The following OTC variants were observed in gnomAD, a reference collection of about 807,000 sequenced individuals.
The protein encoded by OTC is ornithine transcarbamylase.
In OTC, 3 loss-of-function variants were observed where a neutral mutation model predicts 30.3. The ratio of observed to expected loss-of-function variants is 0.10; its 90% CI spans 0.05 to 0.26. The LOEUF is 0.26. Ranked by LOEUF, OTC falls within the 10% of genes least tolerant of loss-of-function variation. The pLI is 1.00. For missense variants in OTC, 194 were observed against 260.3 expected (o/e 0.75, Z 1.75); for synonymous variants, 111 against 99.7 (o/e 1.11, Z -0.67).
intron 4 of OTC, among the ~76,000 whole-genome samples, chrX:38,387,640 C>T (rs147377779): frequency 1.4e-4 from 16 of 111,202 alleles, no homozygotes; most frequent in African/African-American, 5.2e-4. Context: ...GAAGGACTCA[C>T]AGGGATCAGC....
At chrX:38,345,219 G>A in the OTC span, among the ~76,000 whole-genome samples, 6 of 111,915 alleles carry the variant, frequency 5.4e-5, no homozygotes, top group African/African-American at 1.9e-4. Flanking sequence ...TAACTTAACC[G>A]AATCCATCTT....
intron 9 of OTC, 25 bp from the exon 10 acceptor site, chrX:38,420,994 ATTTC>A (rs745517371): frequency 2.2e-5 from 25 of 1,138,353 alleles, no homozygotes; most frequent in Admixed American, 4.4e-5. Context: ...ATGTTTATCC[ATTTC>A]TTTCTTTCTT....
At chrX:38,372,452 A>T (rs2068327909) in intron 3 of OTC, among the ~76,000 whole-genome samples, 1 of 112,726 alleles carries the variant, frequency 8.9e-6, no homozygotes, top group Non-Finnish European at 1.9e-5. Flanking sequence ...TAATTTAATT[A>T]TATGGCATGT....
At chrX:38,408,163 G>A (rs2068524580) in intron 6 of OTC, among the ~76,000 whole-genome samples, 2 of 112,313 alleles carry the variant, frequency 1.8e-5, no homozygotes, top group Non-Finnish European at 3.8e-5. Context: ...CAATGTATTT[G>A]TTCTGTCAAT....
chrX:38,358,011 G>A (rs1221821510), intron 1 of OTC, among the ~76,000 whole-genome samples: 1 of 111,237 alleles, frequency 9.0e-6, no homozygotes, highest in Non-Finnish European at 1.9e-5. Context: ...TTTGTGTCTG[G>A]TGTACCAAGG....
At chrX:38,406,691 G>A (rs1353489519) in intron 6 of OTC, among the ~76,000 whole-genome samples, 1 of 111,934 alleles carries the variant, frequency 8.9e-6, no homozygotes, top group Non-Finnish European at 1.9e-5. Flanking sequence ...GGAGGCACCT[G>A]GGGGAATATC....
chrX:38,404,954 A>T (rs2068509106), intron 6 of OTC, among the ~76,000 whole-genome samples: 2 of 111,706 alleles, frequency 1.8e-5, no homozygotes, highest in East Asian at 2.8e-4. Context: ...AGTGTAAGTT[A>T]TGCCCTAAAG....
Position 38,379,133 on chromosome X carries a change from T to C in OTC, c.299-2209T>C, listed in dbSNP as rs147652147. On this transcript the variant is annotated intron_variant, in intron 3 of 9. Transcript: ENST00000039007. ...AGGACTGTTTGGGCATTTCATATTC[T>C]TTGATCCTACCTGGCACCTAGCACA... Among the ~76,000 whole-genome samples, 14 of 111,748 alleles carry C rather than the reference T, an allele frequency of 1.3e-4. No homozygotes were observed. In the East Asian group the frequency reaches 3.9e-3, roughly 31 times the overall value.
chrX:38,422,301 T>C (rs1470710969), downstream of OTC, among the ~76,000 whole-genome samples: 1 of 111,864 alleles, frequency 8.9e-6, no homozygotes, highest in East Asian at 2.8e-4. Context: ...GCTCATAATG[T>C]TACAGAAAAA....
At chrX:38,333,726 A>G in the OTC span, among the ~76,000 whole-genome samples, 2 of 112,442 alleles carry the variant, frequency 1.8e-5, no homozygotes, top group Non-Finnish European at 3.8e-5. Context: ...TCTCGACAGC[A>G]TTCAACAAAA....
At chrX:38,371,974 T>G (rs749384000) in intron 3 of OTC, among the ~76,000 whole-genome samples, 9 of 112,210 alleles carry the variant, frequency 8.0e-5, no homozygotes, top group African/African-American at 2.9e-4. Flanking sequence ...GTTTTTACCG[T>G]TAGTACTTAA....
chrX:38,406,173 A>C (rs1310531644), intron 6 of OTC, among the ~76,000 whole-genome samples: 1 of 111,937 alleles, frequency 8.9e-6, no homozygotes, highest in East Asian at 2.8e-4. Flanking sequence ...TCATTCCATC[A>C]ATTTGTAAGT....
chrX:38,378,053 C>T (rs1200638136), intron 3 of OTC, among the ~76,000 whole-genome samples: 1 of 107,430 alleles, frequency 9.3e-6, no homozygotes, highest in Non-Finnish European at 1.9e-5. Flanking sequence ...CCAGACTGGT[C>T]ACAAACTCCT....
At chrX:38,422,842 A>T (rs368639384), downstream of OTC, among the ~76,000 whole-genome samples, 4 of 111,736 alleles carry the variant, frequency 3.6e-5, no homozygotes, top group African/African-American at 1.3e-4. Context: ...CCCTTTTCCT[A>T]TATAGCTATT....
upstream of OTC, among the ~76,000 whole-genome samples, chrX:38,350,968 C>T (rs151082381): frequency 2.4e-3 from 270 of 111,967 alleles, no homozygotes; most frequent in Non-Finnish European, 4.5e-3. Context: ...TTATGTGGAG[C>T]GCTTTTGCTC....
chrX:38,381,943 A>G (rs1049838814), intron 4 of OTC, among the ~76,000 whole-genome samples: 5 of 112,267 alleles, frequency 4.5e-5, no homozygotes, highest in Admixed American at 9.4e-5. Context: ...TCAAATGTCA[A>G]TATGCTAACA....
chrX:38,390,756 TCTCATCAACATCCATGTTTG>T (rs981746925), intron 4 of OTC, among the ~76,000 whole-genome samples: 10 of 112,304 alleles, frequency 8.9e-5, no homozygotes, highest in Non-Finnish European at 1.3e-4. Context: ...TGATTGTCCA[TCTCATCAACATCCATGTTTG>T]CTCATCAACA....
At chrX:38,369,328 T>A (rs7051339) in intron 2 of OTC, among the ~76,000 whole-genome samples, 28,229 of 110,077 alleles carry the variant, frequency 0.26, 3,114 homozygotes, top group African/African-American at 0.38. Context: ...ATTTGTATAG[T>A]ACATAAAAAA....
intron 1 of OTC, among the ~76,000 whole-genome samples, chrX:38,354,775 G>A (rs1372084477): frequency 1.8e-5 from 2 of 111,609 alleles, no homozygotes; most frequent in Non-Finnish European, 3.8e-5. Flanking sequence ...AAATGGTTTC[G>A]ACATGCATTC....
Sources: allele counts gnomAD v4.1 joint callset (sites outside exome capture counted in the v4.1 genomes callset), GRCh38; gene constraint gnomAD v4.1.1; transcripts MANE v1.5; gene names NCBI Gene and HGNC (gene_info 2026-07-23, HGNC 2026-07-21).